SYNPR: variants seen among roughly 807,000 people sequenced by gnomAD.
SYNPR encodes the protein synaptoporin.
In SYNPR, 23 loss-of-function variants were observed where a neutral mutation model predicts 32.9. The observed-to-expected ratio is 0.70, with a 90% confidence interval of 0.50 to 0.99. The LOEUF is 0.99. Ranked by LOEUF, SYNPR falls within the 50% of genes least tolerant of loss-of-function variation. SYNPR has a pLI of 0.00. For synonymous variants in SYNPR, 146 were observed against 135.9 expected (o/e 1.07, Z -0.52); for missense variants, 318 against 349.3 (o/e 0.91, Z 0.71).
intron 4 of SYNPR, among the ~76,000 whole-genome samples, chr3:63,605,088 G>A (rs1247196935): frequency 6.6e-6 from 1 of 152,186 alleles, no homozygotes; most frequent in Non-Finnish European, 1.5e-5. Flanking sequence ...TAGTCAAAAT[G>A]CTTGCATCCA....
intron 2 of SYNPR, among the ~76,000 whole-genome samples, chr3:63,460,328 TGTACC>T (rs2106652943): frequency 6.6e-6 from 1 of 152,152 alleles, no homozygotes; most frequent in East Asian, 1.9e-4. Context: ...AGTCTTTACA[TGTACC>T]GTAATTTCCA....
intron 3 of SYNPR, among the ~76,000 whole-genome samples, chr3:63,550,610 T>C (rs1385973023): frequency 1.3e-5 from 2 of 152,112 alleles, no homozygotes; most frequent in African/African-American, 4.8e-5. Flanking sequence ...TTTTATTCTC[T>C]CCCTCCCCAC....
Position 63,495,583 on chromosome 3 carries a change from A to G in SYNPR, c.209+14627A>G, listed in dbSNP as rs150641865. On this transcript the variant is annotated intron_variant, in intron 3 of 5. Coordinates refer to ENST00000478300, the MANE Select transcript of SYNPR (RefSeq NM_001130003.2). ...CTGTACACGTGTTTTATTTTAGTACATGCACCAGGGGGTTCACTTTCCACT... is the reference window on the plus strand; with the variant it reads ...CTGTACACGTGTTTTATTTTAGTACGTGCACCAGGGGGTTCACTTTCCACT... 7.3e-3 allele frequency among the ~76,000 whole-genome samples: 1,110 copies of G among 152,282 alleles called. 9 individuals are homozygous for G. Among genetic ancestry groups the G allele is most frequent in the African/African-American group, 0.025 (1,046 of 41,576 alleles).
At chr3:63,237,142 T>G (rs1205044287) in intron 1 of SYNPR, among the ~76,000 whole-genome samples, 1 of 152,190 alleles carries the variant, frequency 6.6e-6, no homozygotes, top group Admixed American at 6.6e-5. Context: ...TCTATGTCAA[T>G]TCATACGATC....
chr3:63,354,932 C>T lies in SYNPR; in HGVS notation c.84+76190C>T, dbSNP rs147439150. On this transcript the variant is annotated intron_variant, in intron 2 of 5. Transcript: ENST00000478300. ...AAAGCTGGGGAGTACGTATGCTTTG[C>T]CTTTTGCAAATAAAGAAACAGAAGT... is the stretch of plus-strand genomic sequence containing the variant. 1.8e-4 allele frequency among the ~76,000 whole-genome samples: 27 copies of T among 152,194 alleles called. No individual in the cohort carries two copies. The East Asian group carries it at 5.2e-3, about 29-fold the overall frequency.
intron 4 of SYNPR, among the ~76,000 whole-genome samples, chr3:63,572,355 G>C (rs1273671088): frequency 6.6e-6 from 1 of 151,450 alleles, no homozygotes; most frequent in Non-Finnish European, 1.5e-5. Flanking sequence ...TATCTCTTTT[G>C]CTATGAGATT....
At chr3:63,532,146 G>A (rs1378687289) in intron 3 of SYNPR, among the ~76,000 whole-genome samples, 1 of 152,208 alleles carries the variant, frequency 6.6e-6, no homozygotes, top group African/African-American at 2.4e-5. Flanking sequence ...ATGGAAAGGA[G>A]CATTGGCTAA....
chr3:63,470,898 A>G (rs927354997), intron 2 of SYNPR, among the ~76,000 whole-genome samples: 3 of 152,188 alleles, frequency 2.0e-5, no homozygotes, highest in South Asian at 4.1e-4. Flanking sequence ...TGTGTGAAAA[A>G]CAAACCCCTA....
intron 3 of SYNPR, among the ~76,000 whole-genome samples, chr3:63,547,498 A>G (rs1702428664): frequency 6.6e-6 from 1 of 152,152 alleles, no homozygotes; most frequent in Non-Finnish European, 1.5e-5. Flanking sequence ...TGCTGGTGGC[A>G]TAAAGGAGAA....
intron 2 of SYNPR, among the ~76,000 whole-genome samples, chr3:63,464,066 T>A (rs1348511533): frequency 6.6e-6 from 1 of 152,208 alleles, no homozygotes; most frequent in Non-Finnish European, 1.5e-5. Context: ...TCACCCTGTT[T>A]AGAGTAAAGA....
At chr3:63,613,598 T>C (rs531874432) in intron 5 of SYNPR, among the ~76,000 whole-genome samples, 1 of 105,494 alleles carries the variant, frequency 9.5e-6, no homozygotes, top group Non-Finnish European at 1.7e-5. Flanking sequence ...CTCAGTTCAA[T>C]TTATGCTGCA....
chr3:63,501,092 A>G lies in SYNPR; in HGVS notation c.209+20136A>G, dbSNP rs188035755. On this transcript the variant is annotated intron_variant, in intron 3 of 5. Coordinates refer to ENST00000478300, the MANE Select transcript of SYNPR (RefSeq NM_001130003.2). ...AAAAAATAGCCATTATTATTGCAAGAGTGATGAGCATTATTATTCGCACTG... is the reference window on the plus strand; with the variant it reads ...AAAAAATAGCCATTATTATTGCAAGGGTGATGAGCATTATTATTCGCACTG... Among the ~76,000 whole-genome samples the G allele has an allele frequency of 3.6e-3, 553 of 152,286 alleles. 3 individuals are homozygous for G. Among genetic ancestry groups the G allele is most frequent in the Non-Finnish European group, 6.2e-3 (423 of 68,030 alleles).
At chr3:63,386,373 C>T (rs1438047153) in intron 2 of SYNPR, among the ~76,000 whole-genome samples, 3 of 152,134 alleles carry the variant, frequency 2.0e-5, no homozygotes, top group South Asian at 2.1e-4. Flanking sequence ...GTTCTATTGC[C>T]GCCTGCCATC....
chr3:63,384,029 A>G (rs953695976), intron 2 of SYNPR, among the ~76,000 whole-genome samples: 4 of 152,248 alleles, frequency 2.6e-5, no homozygotes, highest in African/African-American at 7.2e-5. Context: ...ATCTAATGAC[A>G]TCTCTGTATC....
intron 3 of SYNPR, among the ~76,000 whole-genome samples, chr3:63,519,903 ATCAC>A (rs1480123535): frequency 5.3e-5 from 8 of 152,354 alleles, no homozygotes; most frequent in Admixed American, 3.9e-4. Context: ...CATAATTCAC[ATCAC>A]CCTGAGATAA....
At chr3:63,542,289 T>A (rs982893284) in intron 3 of SYNPR, among the ~76,000 whole-genome samples, 1 of 152,052 alleles carries the variant, frequency 6.6e-6, no homozygotes, top group Non-Finnish European at 1.5e-5. Context: ...TACTTCTGAG[T>A]TTCAAACCTG....
chr3:63,206,754 T>A, the SYNPR span, among the ~76,000 whole-genome samples: 2 of 152,158 alleles, frequency 1.3e-5, no homozygotes, highest in Non-Finnish European at 2.9e-5. Flanking sequence ...CCTCTCCTTG[T>A]GTGGACAGCA....
intron 1 of SYNPR, among the ~76,000 whole-genome samples, chr3:63,232,720 C>T (rs1211308227): frequency 3.3e-5 from 5 of 152,172 alleles, no homozygotes; most frequent in South Asian, 2.1e-4. Flanking sequence ...GTCTGTAAAA[C>T]GGGAATGGGC....
chr3:63,335,203 A>T (rs1575601671), intron 2 of SYNPR, among the ~76,000 whole-genome samples: 1 of 152,066 alleles, frequency 6.6e-6, no homozygotes. Context: ...AAAACAAAAA[A>T]TTAGCCAGGC....
Sources: allele counts gnomAD v4.1 joint callset (sites outside exome capture counted in the v4.1 genomes callset), GRCh38; gene constraint gnomAD v4.1.1; transcripts MANE v1.5; gene names NCBI Gene and HGNC (gene_info 2026-07-23, HGNC 2026-07-21).